Variants in RYR3 observed in about 807,000 individuals in gnomAD.
The protein encoded by RYR3 is brain ryanodine receptor-calcium release channel.
RYR3 carries 207 observed loss-of-function variants against 584.3 expected under a neutral mutation model. The observed-to-expected ratio is 0.35, with a 90% CI of 0.32 to 0.40. RYR3 has a LOEUF of 0.40. Among genes scored for constraint, RYR3 ranks in the 10% least tolerant of loss-of-function variants. RYR3 has a pLI of 1.00. For synonymous variants in RYR3, 2,416 were observed against 2,248.5 expected (o/e 1.07, Z -2.11); for missense variants, 5,616 against 6,089.2 (o/e 0.92, Z 2.59).
At chr15:33,486,047 C>T (rs1596331304) in intron 2 of RYR3, among the ~76,000 whole-genome samples, 1 of 151,472 alleles carries the variant, frequency 6.6e-6, no homozygotes, top group Non-Finnish European at 1.5e-5. Context: ...GACATAGAAA[C>T]AACCCCTAGG....
At chr15:33,725,491 T>G (rs1305940074) in intron 45 of RYR3, among the ~76,000 whole-genome samples, 3 of 152,170 alleles carry the variant, frequency 2.0e-5, no homozygotes, top group Non-Finnish European at 4.4e-5. Context: ...CACACCATTG[T>G]ACGTGCTGGT....
At chr15:33,382,827 T>G (rs1277763576) in intron 1 of RYR3, among the ~76,000 whole-genome samples, 1 of 152,110 alleles carries the variant, frequency 6.6e-6, no homozygotes, top group Non-Finnish European at 1.5e-5. Context: ...GGGCATGGGG[T>G]GAGTGAACAA....
chr15:33,766,054 G>A (rs1224224663), intron 60 of RYR3, among the ~76,000 whole-genome samples: 3 of 152,088 alleles, frequency 2.0e-5, no homozygotes, highest in African/African-American at 7.2e-5. Context: ...GCTGAGGTGG[G>A]TGGATCACTT....
At chr15:33,843,679 A>C in intron 92 of RYR3, 105 bp downstream of exon 92, 1 of 799,004 alleles carries the variant, frequency 1.3e-6, no homozygotes, top group Non-Finnish European at 2.0e-6. Flanking sequence ...TGTAGCAAAC[A>C]TTCTAATAGG....
At position 33,800,760 on chromosome 15, in the gene RYR3, T is replaced by C. The variant is rs758260416; in HGVS notation, c.9831-10T>C. ...ATTTCAAATGCCTGTTTATTTACTT[T>C]TGGACCCAGATCTAACTGGCTGAAA... On this transcript the variant is annotated splice_polypyrimidine_tract_variant and intron_variant, in intron 67 of 103. Coordinates refer to ENST00000634891, the MANE Select transcript of RYR3 (RefSeq NM_001036.6). 6.8e-6 allele frequency: 11 copies of C among 1,607,764 alleles called. No individual in the cohort carries two copies. Among genetic ancestry groups the C allele is most frequent in the South Asian group, 6.6e-5 (6 of 91,004 alleles).
At chr15:33,431,674 G>A (rs925787357) in intron 1 of RYR3, among the ~76,000 whole-genome samples, 7 of 152,148 alleles carry the variant, frequency 4.6e-5, no homozygotes, top group Non-Finnish European at 7.3e-5. Context: ...GCTGAGGTTG[G>A]AGGATCGCTT....
At position 33,552,394 on chromosome 15, in the gene RYR3, G is replaced by A. The variant is rs538020513; in HGVS notation, c.972+2078G>A. ...TCTCCCCAAGTTCCTCCATTTCCAC[G>A]TATGGAGAAGCAAGCAGCGCATGGG... is the stretch of plus-strand genomic sequence containing the variant. On this transcript the variant is annotated intron_variant, in intron 10 of 103. Coordinates refer to ENST00000634891, the MANE Select transcript of RYR3 (RefSeq NM_001036.6). Among the ~76,000 whole-genome samples, 6 of 152,166 alleles carry A rather than the reference G, an allele frequency of 3.9e-5. 1 individual carries two copies. The highest frequency in any genetic ancestry group is 1.9e-4 in the East Asian group (1 of 5,150).
rs558893743 is a variant in RYR3, at chr15:33,662,661, C to T, written c.5131C>T (p.Arg1711Ter). Reference sequence around the variant, plus strand: ...AGTGCAGTGCAGCGGGGCCCACATCCGAGACCCTGTAGGGGGGTCTGTGGA... The same window carrying T: ...AGTGCAGTGCAGCGGGGCCCACATCTGAGACCCTGTAGGGGGGTCTGTGGA... ...EAVQCSGAHI[R>*]DPVGGSVEFQ... The change falls in exon 35 of 104, where the codon CGA (arginine) becomes TGA (stop). Residue 1711 changes from arginine (R) to a stop codon, truncating the protein, a stop_gained. Coordinates refer to ENST00000634891, the MANE Select transcript of RYR3 (RefSeq NM_001036.6). LOFTEE classifies it high-confidence loss of function. 2 of 1,614,098 alleles carry T rather than the reference C, an allele frequency of 1.2e-6. No homozygotes were observed. The highest frequency in any genetic ancestry group is 1.3e-5 in the African/African-American group (1 of 75,042).
chr15:33,673,746 G>T (rs963957485), intron 38 of RYR3, among the ~76,000 whole-genome samples: 1 of 152,094 alleles, frequency 6.6e-6, no homozygotes, highest in Non-Finnish European at 1.5e-5. Flanking sequence ...ATTAAAATTC[G>T]GTAAATTCTT....
intron 1 of RYR3, among the ~76,000 whole-genome samples, chr15:33,358,533 G>A (rs74005190): frequency 0.013 from 1,929 of 152,176 alleles, 47 homozygotes; most frequent in African/African-American, 0.044. Flanking sequence ...CTGCAGAGAC[G>A]TGGTGACTGG....
At chr15:33,355,669 G>C (rs16969985) in intron 1 of RYR3, among the ~76,000 whole-genome samples, 11,927 of 152,166 alleles carry the variant, frequency 0.078, 546 homozygotes, top group Middle Eastern at 0.12. Flanking sequence ...AACCTTCCAG[G>C]CTGGTGTTGC....
intron 98 of RYR3, chr15:33,856,847 C>T (rs919377132): frequency 1.3e-5 from 2 of 152,204 alleles, no homozygotes; most frequent in Admixed American, 1.3e-4. Flanking sequence ...TTAGTAGAGA[C>T]AGGGTTTCAC....
chr15:33,565,973 C>T (rs1318102344), intron 11 of RYR3, among the ~76,000 whole-genome samples: 1 of 152,240 alleles, frequency 6.6e-6, no homozygotes, highest in Admixed American at 6.5e-5. Context: ...CAATTCCCTA[C>T]ATGTAAATCA....
At chr15:33,789,658 ATTTTTTTTTTTTTTTTT>A (rs869151934) in intron 67 of RYR3, among the ~76,000 whole-genome samples, 7 of 12,778 alleles carry the variant, frequency 5.5e-4, no homozygotes, top group Admixed American at 4.3e-3. Context: ...ATATATATAT[ATTTTTTTTTTTTTTTTT>A]TTTTTTTTTT....
At chr15:33,740,253 A>G (rs58389894) in intron 51 of RYR3, among the ~76,000 whole-genome samples, 30,035 of 152,090 alleles carry the variant, frequency 0.2, 3,115 homozygotes, top group African/African-American at 0.27. Flanking sequence ...ACACATAAAT[A>G]TCTCCTGAGG....
chr15:33,665,647 C>T (rs1353402095), intron 36 of RYR3, among the ~76,000 whole-genome samples: 1 of 152,212 alleles, frequency 6.6e-6, no homozygotes, highest in Non-Finnish European at 1.5e-5. Context: ...TGCCTCCATA[C>T]CTTCTGCTGT....
intron 2 of RYR3, among the ~76,000 whole-genome samples, chr15:33,478,446 C>G (rs6495111): frequency 0.15 from 22,450 of 152,138 alleles, 4,365 homozygotes; most frequent in African/African-American, 0.45. Flanking sequence ...AAGGCAGCCC[C>G]AGCTACAAGA....
At chr15:33,817,554 C>G (rs1392428829) in intron 75 of RYR3, among the ~76,000 whole-genome samples, 1 of 152,182 alleles carries the variant, frequency 6.6e-6, no homozygotes, top group Non-Finnish European at 1.5e-5. Context: ...TCCCACGAAC[C>G]TTTTTCTCTT....
At chr15:33,612,676 A>G (rs1174351403) in intron 18 of RYR3, among the ~76,000 whole-genome samples, 1 of 152,192 alleles carries the variant, frequency 6.6e-6, no homozygotes, top group Non-Finnish European at 1.5e-5. Context: ...GCATAGTTTA[A>G]TGGCTAGATG....
Sources: allele counts gnomAD v4.1 joint callset (sites outside exome capture counted in the v4.1 genomes callset), GRCh38; gene constraint gnomAD v4.1.1; transcripts MANE v1.5; gene names NCBI Gene and HGNC (gene_info 2026-07-23, HGNC 2026-07-21).